AGBL1: variants seen among roughly 807,000 people sequenced by gnomAD.
AGBL1 encodes AGBL carboxypeptidase 1, also known as cytosolic carboxypeptidase 4.
AGBL1 carries 130 observed loss-of-function variants against 118.9 expected under a neutral mutation model. The observed-to-expected ratio is 1.09, with a 90% CI of 0.95 to 1.26. The LOEUF (loss-of-function observed/expected upper bound fraction) is 1.26. Ranked by LOEUF, AGBL1 falls within the 50% of genes most tolerant of loss-of-function variation. The pLI, the probability that AGBL1 is intolerant of heterozygous loss-of-function variation, is 0.00. For synonymous variants in AGBL1, 555 were observed against 478.9 expected (o/e 1.16, Z -2.08); for missense variants, 1,584 against 1,298.1 (o/e 1.22, Z -3.38).
At chr15:86,242,859 G>C (rs1284079510) in intron 6 of AGBL1, among the ~76,000 whole-genome samples, 1 of 152,226 alleles carries the variant, frequency 6.6e-6, no homozygotes, top group African/African-American at 2.4e-5. Flanking sequence ...TTCCCCGCCA[G>C]CCTGTCATGT....
At chr15:86,832,606 T>C (rs992556864) in intron 22 of AGBL1, among the ~76,000 whole-genome samples, 2 of 152,178 alleles carry the variant, frequency 1.3e-5, no homozygotes, top group African/African-American at 4.8e-5. Context: ...CACTTTTGCT[T>C]CAGTTTCCAA....
At chr15:86,920,480 A>G (rs2080472333), downstream of AGBL1, among the ~76,000 whole-genome samples, 1 of 152,196 alleles carries the variant, frequency 6.6e-6, no homozygotes, top group East Asian at 1.9e-4. Context: ...GTGAAATCTC[A>G]TCATAGTCAG....
intron 22 of AGBL1, among the ~76,000 whole-genome samples, chr15:86,819,552 A>G (rs1227755275): frequency 6.6e-6 from 1 of 152,120 alleles, no homozygotes; most frequent in Non-Finnish European, 1.5e-5. Context: ...GTTGCTACAA[A>G]GAGAATAAAA....
chr15:86,773,993 G>C (rs890139549), intron 22 of AGBL1, among the ~76,000 whole-genome samples: 3 of 152,048 alleles, frequency 2.0e-5, no homozygotes, highest in African/African-American at 7.2e-5. Context: ...GTGGGTGTCG[G>C]CAAGCCCCAA....
At chr15:86,813,152 C>T (rs1430214280) in intron 22 of AGBL1, among the ~76,000 whole-genome samples, 1 of 151,918 alleles carries the variant, frequency 6.6e-6, no homozygotes, top group Non-Finnish European at 1.5e-5. Context: ...GCCTCGAACA[C>T]ATGGGACCTT....
intron 19 of AGBL1, among the ~76,000 whole-genome samples, chr15:86,539,695 A>G (rs1237584682): frequency 6.6e-6 from 1 of 152,056 alleles, no homozygotes; most frequent in South Asian, 2.1e-4. Flanking sequence ...CTGTTTTGTC[A>G]TTTGCTTGGA....
At chr15:86,626,445 G>T (rs1268197692) in intron 21 of AGBL1, among the ~76,000 whole-genome samples, 1 of 152,168 alleles carries the variant, frequency 6.6e-6, no homozygotes, top group Non-Finnish European at 1.5e-5. Context: ...CTTTAAGTAA[G>T]TGGGAGCTAA....
Position 86,224,918 on chromosome 15 carries a change from G to A in AGBL1, c.493G>A (p.Ala165Thr). 6.2e-7 allele frequency: 1 copy of A among 1,613,396 alleles called. No individual in the cohort carries two copies. ...TRKRTQAIRAATEVLAALLKS... is the reference protein window; with the variant it reads ...TRKRTQAIRATTEVLAALLKS... ...CTTTTCTTTCTCTTTCCCCAGGGCA[G>A]CCACTGAAGTTTTGGCAGCATTGCT... The change falls in exon 6 of 23, where the codon GCC (alanine) becomes ACC (threonine). Residue 165 changes from alanine to threonine, a missense_variant. Physicochemically the swap from Ala to Thr is moderately conservative, Grantham distance 58 (BLOSUM62 0). Transcript: ENST00000614907.
chr15:86,750,552 A>G (rs1489298630), intron 22 of AGBL1, among the ~76,000 whole-genome samples: 1 of 152,008 alleles, frequency 6.6e-6, no homozygotes, highest in African/African-American at 2.4e-5. Context: ...AGGAACATTC[A>G]TTGGCATTTT....
intron 1 of AGBL1, among the ~76,000 whole-genome samples, chr15:86,110,214 G>T (rs1487272884): frequency 2.6e-5 from 4 of 152,154 alleles, no homozygotes; most frequent in African/African-American, 9.7e-5. Flanking sequence ...ACAACGTTGG[G>T]GTTAGGGGCA....
chr15:86,692,709 C>G (rs1236120773), intron 22 of AGBL1, among the ~76,000 whole-genome samples: 2 of 152,054 alleles, frequency 1.3e-5, no homozygotes, highest in Admixed American at 1.3e-4. Flanking sequence ...CACCCATCAC[C>G]TGAGCAGTAT....
At chr15:86,236,942 C>CGGG (rs1261702473) in intron 6 of AGBL1, among the ~76,000 whole-genome samples, 2 of 43,026 alleles carry the variant, frequency 4.6e-5, no homozygotes, top group African/African-American at 2.1e-4. Flanking sequence ...CGGGGGGGGG[C>CGGG]GGGGGGGGGC....
chr15:86,142,084 C>CTCATGCTT lies in AGBL1; in HGVS notation c.115+22_115+29dup. On this transcript the variant is annotated intron_variant, in intron 2 of 22. Transcript: ENST00000614907. ...TTTCTGTTGGTGAGTAGGCCATGCT[C>CTCATGCTT]TCATGCTTTCATATGGCGGATGTGG... The CTCATGCTT allele has an allele frequency of 6.5e-7, 1 of 1,549,492 alleles. No homozygotes were observed. The highest frequency in any genetic ancestry group is 8.7e-7 in the Non-Finnish European group (1 of 1,146,432).
At chr15:86,209,800 T>C (rs1370173285) in intron 5 of AGBL1, among the ~76,000 whole-genome samples, 1 of 152,212 alleles carries the variant, frequency 6.6e-6, no homozygotes, top group Non-Finnish European at 1.5e-5. Flanking sequence ...AATTGGGGCA[T>C]TTAGCCCATT....
chr15:86,276,578 A>G (rs1311498877), intron 15 of AGBL1, among the ~76,000 whole-genome samples: 6 of 152,236 alleles, frequency 3.9e-5, no homozygotes, highest in Non-Finnish European at 7.3e-5. Context: ...AAAGATAAAC[A>G]GATGAATAAG....
chr15:86,497,167 C>A (rs1203410620), intron 18 of AGBL1, among the ~76,000 whole-genome samples: 1 of 151,908 alleles, frequency 6.6e-6, no homozygotes, highest in Non-Finnish European at 1.5e-5. Flanking sequence ...CAAAGAAAGT[C>A]AGCTATTTTA....
chr15:86,432,170 A>T (rs1164330429), intron 18 of AGBL1, among the ~76,000 whole-genome samples: 1 of 152,210 alleles, frequency 6.6e-6, no homozygotes, highest in African/African-American at 2.4e-5. Context: ...AAACAACTAC[A>T]TACATGTCAA....
At chr15:86,152,811 T>C (rs1328536387) in intron 3 of AGBL1, among the ~76,000 whole-genome samples, 1 of 151,884 alleles carries the variant, frequency 6.6e-6, no homozygotes, top group Non-Finnish European at 1.5e-5. Context: ...TCAAACAAAT[T>C]TACAAGAGAA....
intron 22 of AGBL1, among the ~76,000 whole-genome samples, chr15:86,697,264 C>A (rs562281462): frequency 6.6e-6 from 1 of 151,742 alleles, no homozygotes; most frequent in South Asian, 2.1e-4. Flanking sequence ...TTAACATAAT[C>A]CCAAACTTCT....
Sources: allele counts gnomAD v4.1 joint callset (sites outside exome capture counted in the v4.1 genomes callset), GRCh38; gene constraint gnomAD v4.1.1; transcripts MANE v1.5; gene names NCBI Gene and HGNC (gene_info 2026-07-23, HGNC 2026-07-21).